GLP1R: variants seen among roughly 807,000 people sequenced by gnomAD.
The protein encoded by GLP1R is glucagon like peptide 1 receptor.
A neutral mutation model predicts 68.4 loss-of-function variants in GLP1R; 32 were observed. The ratio of observed to expected loss-of-function variants is 0.47; its 90% confidence interval spans 0.35 to 0.63. The LOEUF (loss-of-function observed/expected upper bound fraction) is 0.63, where lower values mean the gene tolerates loss of function less well. GLP1R is among the 20% of genes least tolerant of loss of function. The pLI, the probability that GLP1R is intolerant of heterozygous loss-of-function variation, is 0.00. For synonymous variants in GLP1R, 263 were observed against 244.4 expected (o/e 1.08, Z -0.71); for missense variants, 502 against 594.9 (o/e 0.84, Z 1.62).
chr6:39,078,001 G>A (rs897742436), intron 7 of GLP1R, among the ~76,000 whole-genome samples: 5 of 152,056 alleles, frequency 3.3e-5, no homozygotes, highest in Admixed American at 1.3e-4. Context: ...GCCCAGTCCC[G>A]CTGCTGTTTG....
chr6:39,087,551 A>G lies in GLP1R; in HGVS notation c.*1478A>G, dbSNP rs1769180911. ...AAGAGAGAGCTCGCTCTTGGGAGTC[A>G]GGACCTCCGGGGAGAGCAGAGGGTT... On this transcript the variant is annotated 3_prime_UTR_variant, in exon 13 of 13. Transcript: ENST00000373256. 6.6e-6 allele frequency: 1 copy of G among 152,250 alleles called. No individual in the cohort carries two copies. The allele number at this position is 152,250 out of a possible 1,614,324, so 9.4% of individuals were successfully genotyped here.
At chr6:39,069,585 C>T (rs1768605829) in intron 5 of GLP1R, among the ~76,000 whole-genome samples, 1 of 143,238 alleles carries the variant, frequency 7.0e-6, no homozygotes, top group African/African-American at 2.6e-5. Flanking sequence ...GAGCAGTGAG[C>T]AGAGATCGTG....
At chr6:39,052,963 C>T (rs1768120274) in intron 1 of GLP1R, among the ~76,000 whole-genome samples, 1 of 152,196 alleles carries the variant, frequency 6.6e-6, no homozygotes, top group South Asian at 2.1e-4. Context: ...TTCCTGTCTC[C>T]TGCTTCCTCC....
rs750127155 is a variant in GLP1R at position 39,065,818 on chromosome 6, C to T, written c.391C>T (p.Arg131Ter). Residue 131 changes from arginine to a stop codon, truncating the protein, a stop_gained, in exon 4 of 13, where the codon CGA (arginine) becomes TGA (stop). Transcript: ENST00000373256. LOFTEE classifies it high-confidence loss of function. ...RDLSECEESKRGERSSPEEQL... is the reference protein window; with the variant it reads ...RDLSECEESK ...CTTGTCGGAGTGCGAGGAGTCCAAG[C>T]GAGGGGAAAGAGTGAGTTGAGGCGG... 5 of 1,595,304 alleles carry T rather than the reference C, an allele frequency of 3.1e-6. No homozygotes were observed. The highest frequency in any genetic ancestry group is 3.4e-6 in the Non-Finnish European group (4 of 1,165,542).
chr6:39,088,299 C>T lies in GLP1R; in HGVS notation c.*2226C>T, dbSNP rs1328034975. 2.0e-5 allele frequency among the ~76,000 whole-genome samples: 3 copies of T among 151,786 alleles called. No individual in the cohort carries two copies. Among genetic ancestry groups the T allele is most frequent in the Non-Finnish European group, 4.4e-5 (3 of 67,964 alleles). ...TTGCTCCAACCCCCGCTCCCCCGGC[C>T]CCCCGAAGCTATTAATAGTCATTCA... is the stretch of plus-strand genomic sequence containing the variant. On this transcript the variant is annotated 3_prime_UTR_variant, in exon 13 of 13. Coordinates refer to ENST00000373256, the MANE Select transcript of GLP1R (RefSeq NM_002062.5).
intron 3 of GLP1R, among the ~76,000 whole-genome samples, chr6:39,062,026 T>C (rs2268651): frequency 0.051 from 7,802 of 152,278 alleles, 274 homozygotes; most frequent in East Asian, 0.13. Flanking sequence ...CCAGTAGTCC[T>C]TGCTGGCCAC....
At chr6:39,075,002 C>T (rs1044691454) in intron 7 of GLP1R, among the ~76,000 whole-genome samples, 19 of 152,120 alleles carry the variant, frequency 1.2e-4, no homozygotes, top group Admixed American at 8.5e-4. Flanking sequence ...GTCTTGAGGA[C>T]ACCAAGGCCC....
In GLP1R at chr6:39,090,114, C is replaced by T. The variant is rs1161429626; in HGVS notation, c.*4041C>T. Among the ~76,000 whole-genome samples the T allele has an allele frequency of 6.6e-6, 1 of 152,178 alleles. No individual in the cohort carries two copies. The highest frequency in any genetic ancestry group is 2.4e-5 in the African/African-American group (1 of 41,432). On this transcript the variant is annotated 3_prime_UTR_variant, in exon 13 of 13. Coordinates refer to ENST00000373256, the MANE Select transcript of GLP1R (RefSeq NM_002062.5). The stretch of plus-strand genomic sequence containing the variant: ...TTATGCCAACCACATTCCCATGCCC[C>T]TACAGTTACCTGCTGGCCCAGATCA...
At chr6:39,071,944 G>T (rs1434903356) in intron 5 of GLP1R, among the ~76,000 whole-genome samples, 1 of 152,102 alleles carries the variant, frequency 6.6e-6, no homozygotes, top group Non-Finnish European at 1.5e-5. Flanking sequence ...TTTTAAGCAA[G>T]ATTTATAAAA....
intron 1 of GLP1R, among the ~76,000 whole-genome samples, chr6:39,050,768 A>C (rs2150817868): frequency 6.6e-6 from 1 of 152,352 alleles, no homozygotes; most frequent in Middle Eastern, 3.4e-3. Flanking sequence ...CAAAAGGGTT[A>C]GAGTTACTCC....
Position 39,073,748 on chromosome 6 carries a change from C to A in GLP1R, c.802C>A (p.Leu268Ile), listed in dbSNP as rs145619754. Residue 268 changes from leucine to isoleucine, a missense_variant, in exon 7 of 13, where the codon CTC becomes ATC. Leu to Ile is a conservative substitution (Grantham distance 5, BLOSUM62 2). Transcript: ENST00000373256. The part of the protein sequence containing the change: ...SVLSEQWIFR[L>I]YVSIGWGVPL... ...CTTATCTGAGCAATGGATCTTCAGGCTCTACGTGAGCATAGGCTGGGGTAA... is the reference window on the plus strand; with the variant it reads ...CTTATCTGAGCAATGGATCTTCAGGATCTACGTGAGCATAGGCTGGGGTAA... 5 of 1,614,032 alleles carry A rather than the reference C, an allele frequency of 3.1e-6. No individual in the cohort carries two copies. The highest frequency in any genetic ancestry group is 2.2e-5 in the South Asian group (2 of 91,072).
At chr6:39,083,312 A>G (rs1769057666) in intron 12 of GLP1R, among the ~76,000 whole-genome samples, 2 of 152,166 alleles carry the variant, frequency 1.3e-5, no homozygotes, top group Admixed American at 1.3e-4. Context: ...GGACAGATAC[A>G]TCATTGTCAC....
intron 5 of GLP1R, among the ~76,000 whole-genome samples, chr6:39,071,294 C>T (rs776647894): frequency 1.4e-5 from 2 of 142,650 alleles, no homozygotes; most frequent in Admixed American, 7.7e-5. Context: ...TGCAGTGAGC[C>T]GAGATCACGT....
At chr6:39,085,848 A>G in intron 12 of GLP1R, 58 bp from the exon 13 acceptor site, 4 of 1,543,928 alleles carry the variant, frequency 2.6e-6, no homozygotes, top group African/African-American at 2.7e-5. Flanking sequence ...TAGTGGGGCC[A>G]TTTTGTTAGC....
rs1430428706 is a variant in GLP1R at position 39,051,894 on chromosome 6, T to TGTG, written c.78+2977_78+2978insTGG. ...CTGTGGGAGGGTCTGTGTGTGTGTG[T>TGTG]GGGGGGGGGGGCATCTTGGTGTGTG... is the stretch of plus-strand genomic sequence containing the variant. On this transcript the variant is annotated intron_variant, in intron 1 of 12. Transcript: ENST00000373256. Among the ~76,000 whole-genome samples, 227 of 112,834 alleles carry TGTG rather than the reference T, an allele frequency of 2.0e-3. 2 individuals are homozygous for TGTG. The highest frequency in any genetic ancestry group is 7.1e-3 in the African/African-American group (200 of 28,186). The allele number at this position is 112,834 out of a possible 152,430, so 74.0% of individuals were successfully genotyped here. A position where few individuals can be genotyped will look rare whatever the true frequency, so the allele number is the denominator to read the frequency against.
chr6:39,075,067 T>C (rs1217445042), intron 7 of GLP1R, among the ~76,000 whole-genome samples: 1 of 152,168 alleles, frequency 6.6e-6, no homozygotes, highest in East Asian at 1.9e-4. Flanking sequence ...GCCTCCTGAC[T>C]CCCAGGCTCT....
intron 3 of GLP1R, among the ~76,000 whole-genome samples, chr6:39,061,907 G>A (rs1768366650): frequency 6.6e-6 from 1 of 152,150 alleles, no homozygotes; most frequent in South Asian, 2.1e-4. Flanking sequence ...CTGGCCTTGA[G>A]CTGATGCCTT....
At position 39,049,600 on chromosome 6, in the gene GLP1R, G is replaced by A. The variant is rs900570123; in HGVS notation, c.78+682G>A. Among the ~76,000 whole-genome samples, 1 of 152,068 alleles carries A rather than the reference G, an allele frequency of 6.6e-6. No individual in the cohort carries two copies. The highest frequency in any genetic ancestry group is 1.5e-5 in the Non-Finnish European group (1 of 68,012). ...TCAGTGCCCCCCTGGAAGCAGCCAG[G>A]CGCCCCCACTCACCCACTCTGCTGA... On this transcript the variant is annotated intron_variant, in intron 1 of 12. Transcript: ENST00000373256. This position sits in a 1 kb window ranked among gnomAD's most constrained non-coding sequence, Gnocchi z 4.5.
At chr6:39,072,568 C>A (rs530749545) in intron 5 of GLP1R, among the ~76,000 whole-genome samples, 2 of 152,316 alleles carry the variant, frequency 1.3e-5, no homozygotes, top group Admixed American at 1.3e-4. Flanking sequence ...ATGCATAAAT[C>A]TCTTTGGTTA....
Sources: allele counts gnomAD v4.1 joint callset (sites outside exome capture counted in the v4.1 genomes callset), GRCh38; gene constraint gnomAD v4.1.1; non-coding constraint Gnocchi (gnomAD v3.1); transcripts MANE v1.5; gene names NCBI Gene and HGNC (gene_info 2026-07-23, HGNC 2026-07-21).